The following RNF38 variants were observed in gnomAD, a reference collection of about 807,000 sequenced individuals.
RNF38 encodes the protein ring finger protein 38.
A neutral mutation model predicts 67.2 loss-of-function variants in RNF38; 15 were observed. The observed-to-expected ratio is 0.22, with a 90% CI of 0.15 to 0.34. The LOEUF (loss-of-function observed/expected upper bound fraction) is 0.34. Among genes scored for constraint, RNF38 ranks in the 10% least tolerant of loss-of-function variants. The probability of loss-of-function intolerance (pLI) is 1.00; values close to 1 mark genes in which losing one functional copy is unlikely to be tolerated. For synonymous variants in RNF38, 220 were observed against 218.8 expected, an observed-to-expected ratio of 1.01 and a Z score of -0.05; for missense variants, 524 against 639.9, an observed-to-expected ratio of 0.82 and a Z score of 1.95.
At chr9:36,390,084 G>C (rs758531154) in intron 2 of RNF38, among the ~76,000 whole-genome samples, 2 of 152,034 alleles carry the variant, frequency 1.3e-5, no homozygotes, top group African/African-American at 4.8e-5. Flanking sequence ...TGTTACTATC[G>C]AACTCTGGGT....
chr9:36,371,694 T>G (rs1240769315), intron 3 of RNF38, among the ~76,000 whole-genome samples: 1 of 152,024 alleles, frequency 6.6e-6, no homozygotes, highest in Non-Finnish European at 1.5e-5. Context: ...TCAGGTGATC[T>G]GCCTGCCTCA....
At chr9:36,348,991 G>C (rs867192174) in intron 9 of RNF38, among the ~76,000 whole-genome samples, 2 of 152,340 alleles carry the variant, frequency 1.3e-5, no homozygotes, top group Middle Eastern at 3.4e-3. Context: ...CACAGCTGGT[G>C]ACTGTAGGCT....
rs1308366255 is a variant in RNF38, at chr9:36,339,103, A to G, written c.*649T>C. 6.6e-6 allele frequency: 1 copy of G among 152,660 alleles called. No individual in the cohort carries two copies. Among genetic ancestry groups the G allele is most frequent in the Non-Finnish European group, 1.5e-5 (1 of 68,058 alleles). The allele number at this position is 152,660 out of a possible 1,614,324, so 9.5% of individuals were successfully genotyped here. ...GGGGATGGAGTATTCAATGCTTGTAATTGATGCACCCTCAGCAATCAGTGT... is the reference window on the plus strand; with the variant it reads ...GGGGATGGAGTATTCAATGCTTGTAGTTGATGCACCCTCAGCAATCAGTGT... On this transcript the variant is annotated 3_prime_UTR_variant, in exon 12 of 12. Transcript: ENST00000259605.
intron 2 of RNF38, among the ~76,000 whole-genome samples, chr9:36,381,487 G>C (rs1229832078): frequency 6.6e-6 from 1 of 152,152 alleles, no homozygotes; most frequent in African/African-American, 2.4e-5. Flanking sequence ...TGGACTTTTT[G>C]TGACAATAAG....
intron 2 of RNF38, among the ~76,000 whole-genome samples, chr9:36,381,670 G>GA (rs1836222469): frequency 1.3e-5 from 2 of 152,144 alleles, no homozygotes; most frequent in African/African-American, 4.8e-5. Flanking sequence ...GCAAATTACA[G>GA]AATCTCATCT....
At chr9:36,385,719 G>C (rs1478388465) in intron 2 of RNF38, among the ~76,000 whole-genome samples, 2 of 152,126 alleles carry the variant, frequency 1.3e-5, no homozygotes. Flanking sequence ...TTACATCTGA[G>C]AAGTATGCTC....
upstream of RNF38, among the ~76,000 whole-genome samples, chr9:36,401,726 GGAGA>G (rs1165230227): frequency 2.0e-5 from 3 of 152,294 alleles, no homozygotes; most frequent in East Asian, 1.9e-4. Flanking sequence ...TCAGACTTAA[GGAGA>G]GAGGGCAGTC....
intron 1 of RNF38, among the ~76,000 whole-genome samples, chr9:36,450,263 C>T (rs1293055621): frequency 1.3e-5 from 2 of 151,364 alleles, no homozygotes; most frequent in African/African-American, 4.9e-5. Context: ...TCCCACTTGA[C>T]TTTTTTTTTA....
At chr9:36,400,276 G>A (rs1837908595), upstream of RNF38, 4 of 1,333,994 alleles carry the variant, frequency 3.0e-6, no homozygotes, top group Non-Finnish European at 2.9e-6. Context: ...GGACGCCAGA[G>A]AGGACCCTTT....
intron 1 of RNF38, among the ~76,000 whole-genome samples, chr9:36,399,488 T>C (rs955089765): frequency 2.4e-5 from 2 of 82,434 alleles, no homozygotes; most frequent in South Asian, 7.9e-4. Context: ...ATTATAAATA[T>C]ATATAATATA....
chr9:36,450,876 T>TGCAC (rs1283014942), intron 1 of RNF38, among the ~76,000 whole-genome samples: 1 of 151,986 alleles, frequency 6.6e-6, no homozygotes, highest in Non-Finnish European at 1.5e-5. Context: ...ATCGTGCCAT[T>TGCAC]GCACTCCAGC....
At chr9:36,456,679 T>TA (rs1839603825) in intron 1 of RNF38, among the ~76,000 whole-genome samples, 1 of 152,044 alleles carries the variant, frequency 6.6e-6, no homozygotes, top group African/African-American at 2.4e-5. Flanking sequence ...TACTGGACAC[T>TA]AAATCTAATG....
intron 1 of RNF38, among the ~76,000 whole-genome samples, chr9:36,432,296 G>T (rs1328739632): frequency 4.0e-5 from 6 of 151,890 alleles, no homozygotes; most frequent in Non-Finnish European, 8.8e-5. Context: ...CATTATGCCT[G>T]GCTAATTTTT....
At position 36,353,279 on chromosome 9, in the gene RNF38, A is replaced by G; in HGVS notation, c.962T>C (p.Val321Ala). The change falls in exon 7 of 12, where the codon GTA (valine) becomes GCA (alanine). Residue 321 changes from valine to alanine, a missense_variant. Around this residue, in one of 2 missense-constraint regions of RNF38, gnomAD observed 461 missense variants for 517.4 expected, o/e 0.89. Coordinates refer to ENST00000259605, the MANE Select transcript of RNF38 (RefSeq NM_022781.5). ...TGATGGAGGGTAAGTAAAACCTCCT[A>G]CTGGAAGATGTTCTCCTAAGAGTTC... ...EVELLGEHLP[V>A]GGFTYPPSAH... 6.2e-7 allele frequency: 1 copy of G among 1,613,136 alleles called. No individual in the cohort carries two copies. Among genetic ancestry groups the G allele is most frequent in the Non-Finnish European group, 8.5e-7 (1 of 1,179,488 alleles).
chr9:36,460,411 A>C (rs1455995014), intron 1 of RNF38, among the ~76,000 whole-genome samples: 1 of 152,120 alleles, frequency 6.6e-6, no homozygotes, highest in Non-Finnish European at 1.5e-5. Context: ...TACTGGAGTA[A>C]ATGGAGGTAA....
At chr9:36,385,902 C>T (rs540726770) in intron 2 of RNF38, among the ~76,000 whole-genome samples, 67 of 152,320 alleles carry the variant, frequency 4.4e-4, no homozygotes, top group African/African-American at 1.6e-3. Context: ...CCTGACCTCT[C>T]GCTGACCGAC....
chr9:36,355,647 A>G (rs1435400955), intron 6 of RNF38, among the ~76,000 whole-genome samples: 1 of 152,198 alleles, frequency 6.6e-6, no homozygotes, highest in Non-Finnish European at 1.5e-5. Flanking sequence ...AAAGAAAAAA[A>G]CAATACAACT....
intron 3 of RNF38, among the ~76,000 whole-genome samples, chr9:36,370,259 C>T (rs971734292): frequency 2.6e-5 from 4 of 152,140 alleles, no homozygotes; most frequent in Non-Finnish European, 5.9e-5. Flanking sequence ...ATTTAACCTA[C>T]CATTTTCTCC....
chr9:36,470,164 A>T (rs1170892740), intron 1 of RNF38, among the ~76,000 whole-genome samples: 1 of 152,136 alleles, frequency 6.6e-6, no homozygotes, highest in Non-Finnish European at 1.5e-5. Context: ...CAGTGAGGTG[A>T]ATCAAAAGCA....
Sources: gnomAD v4.1 joint callset for allele counts (sites outside exome capture counted in the v4.1 genomes callset) on GRCh38, gnomAD v4.1.1 for gene constraint, gnomAD v4.1.1 regional missense constraint, MANE v1.5 for transcripts, NCBI Gene and HGNC (gene_info 2026-07-23, HGNC 2026-07-21) for gene names.